RBM47: variants seen among roughly 807,000 people sequenced by gnomAD.
RBM47 encodes RNA binding motif protein 47.
In RBM47, 21 loss-of-function variants were observed where a neutral mutation model predicts 47.1. The ratio of observed to expected loss-of-function variants is 0.45; its 90% confidence interval spans 0.32 to 0.64. The LOEUF is 0.64. Among genes scored for constraint, RBM47 ranks in the 30% least tolerant of loss-of-function variants. The pLI, the probability that RBM47 is intolerant of heterozygous loss-of-function variation, is 0.05. For synonymous variants in RBM47, 375 were observed against 361.7 expected, an observed-to-expected ratio of 1.04 and a Z score of -0.42; for missense variants, 708 against 870.9, an observed-to-expected ratio of 0.81 and a Z score of 2.35.
At chr4:40,525,014 T>G (rs1726556605) in intron 2 of RBM47, among the ~76,000 whole-genome samples, 1 of 152,160 alleles carries the variant, frequency 6.6e-6, no homozygotes, top group South Asian at 2.1e-4. Flanking sequence ...TAAAATATTT[T>G]TATGATCCAG....
chr4:40,561,227 C>CTTTTTTTTT (rs1176318537), intron 1 of RBM47, among the ~76,000 whole-genome samples: 1 of 113,646 alleles, frequency 8.8e-6, no homozygotes, highest in African/African-American at 3.4e-5. Flanking sequence ...TTTCCATTGT[C>CTTTTTTTTT]TTTTTTTTTT....
chr4:40,426,400 G>A (rs1479109735), intron 6 of RBM47, among the ~76,000 whole-genome samples: 1 of 152,200 alleles, frequency 6.6e-6, no homozygotes, highest in Non-Finnish European at 1.5e-5. Context: ...AGGGAAAGGT[G>A]AAATACAGTT....
chr4:40,447,893 C>T (rs1205994620), intron 3 of RBM47, among the ~76,000 whole-genome samples: 2 of 152,208 alleles, frequency 1.3e-5, no homozygotes, highest in African/African-American at 4.8e-5. Flanking sequence ...CGCCTGTAGT[C>T]CCAGTTACTC....
intron 2 of RBM47, among the ~76,000 whole-genome samples, chr4:40,482,191 A>G (rs1720526679): frequency 6.6e-6 from 1 of 152,208 alleles, no homozygotes; most frequent in African/African-American, 2.4e-5. Flanking sequence ...GCTAAGACAG[A>G]TCAGAGTCCA....
intron 6 of RBM47, chr4:40,427,320 T>A (rs1238292887): frequency 2.6e-5 from 4 of 152,194 alleles, no homozygotes; most frequent in Non-Finnish European, 5.9e-5. Flanking sequence ...TAAAGAGCAG[T>A]TTCCAAATGA....
intron 3 of RBM47, among the ~76,000 whole-genome samples, chr4:40,465,522 C>G (rs764081945): frequency 6.6e-6 from 1 of 152,044 alleles, no homozygotes; most frequent in Non-Finnish European, 1.5e-5. Context: ...ATTAGCTGGG[C>G]ATGAAAATTA....
At chr4:40,497,544 A>G (rs760524655) in intron 2 of RBM47, among the ~76,000 whole-genome samples, 1 of 152,106 alleles carries the variant, frequency 6.6e-6, no homozygotes, top group Non-Finnish European at 1.5e-5. Context: ...GCTTGAGTCC[A>G]GGAAGTCAAG....
At chr4:40,489,838 A>T (rs1375289310) in intron 2 of RBM47, among the ~76,000 whole-genome samples, 2 of 152,208 alleles carry the variant, frequency 1.3e-5, no homozygotes, top group Non-Finnish European at 2.9e-5. Context: ...TGCATAGAAA[A>T]TACAGACAAA....
chr4:40,514,852 GA>G (rs1357132764), intron 2 of RBM47: 1 of 152,200 alleles, frequency 6.6e-6, no homozygotes, highest in Non-Finnish European at 1.5e-5. Context: ...GCGTTAGAGC[GA>G]TTTTTTTAAA....
rs117234878 is a variant in RBM47 at position 40,512,821 on chromosome 4, T to C, written c.-155+31601A>G. On this transcript the variant is annotated intron_variant, in intron 2 of 6. Coordinates refer to ENST00000295971, the MANE Select transcript of RBM47 (RefSeq NM_001098634.2). ...ATTTCACTGGTCAGGGTTTCTATTT[T>C]GGATTCACATGGTATGGCTCTCTTT... Among the ~76,000 whole-genome samples, 1,133 of 152,116 alleles carry C rather than the reference T, an allele frequency of 7.4e-3. 42 individuals carry two copies. Among genetic ancestry groups the C allele is most frequent in the Admixed American group, 0.06 (915 of 15,270 alleles).
chr4:40,426,654 A>G (rs754781647), intron 6 of RBM47: 54 of 154,058 alleles, frequency 3.5e-4, no homozygotes, highest in Non-Finnish European at 4.8e-4. Context: ...GGACCCATAC[A>G]CTTTAAAAAT....
At chr4:40,450,731 A>T (rs1715289061) in intron 3 of RBM47, among the ~76,000 whole-genome samples, 1 of 152,120 alleles carries the variant, frequency 6.6e-6, no homozygotes, top group South Asian at 2.1e-4. Flanking sequence ...GATATTTGTG[A>T]TAATTCTATG....
chr4:40,535,929 G>C (rs1727934408), intron 2 of RBM47, among the ~76,000 whole-genome samples: 1 of 152,094 alleles, frequency 6.6e-6, no homozygotes, highest in Non-Finnish European at 1.5e-5. Flanking sequence ...TCAAACTCCT[G>C]ACCTCAGGTG....
chr4:40,624,411 C>T (rs1737542263), intron 1 of RBM47, among the ~76,000 whole-genome samples: 1 of 152,108 alleles, frequency 6.6e-6, no homozygotes, highest in African/African-American at 2.4e-5. Context: ...CATGACCAAA[C>T]GTTGCTGATT....
chr4:40,494,202 C>A (rs561969059), intron 2 of RBM47, among the ~76,000 whole-genome samples: 3 of 152,074 alleles, frequency 2.0e-5, no homozygotes, highest in African/African-American at 7.2e-5. Flanking sequence ...TTATAATACA[C>A]GGCAGAATGG....
chr4:40,529,423 G>A (rs1392874697), intron 2 of RBM47, among the ~76,000 whole-genome samples: 1 of 146,596 alleles, frequency 6.8e-6, no homozygotes, highest in African/African-American at 2.6e-5. Flanking sequence ...GGCTGAGGCA[G>A]GAGAATTACT....
intron 1 of RBM47, among the ~76,000 whole-genome samples, chr4:40,563,433 T>TA (rs11369884): frequency 0.5 from 75,956 of 152,106 alleles, 22,796 homozygotes; most frequent in African/African-American, 0.85. Flanking sequence ...TCTGTGCTTG[T>TA]ATTATACTGC....
intron 1 of RBM47, among the ~76,000 whole-genome samples, chr4:40,565,925 C>A (rs1160298605): frequency 6.6e-6 from 1 of 151,706 alleles, no homozygotes; most frequent in Non-Finnish European, 1.5e-5. Flanking sequence ...AAAACTAGCC[C>A]GGCGCGGTGG....
At chr4:40,510,260 G>C (rs1467468944) in intron 2 of RBM47, among the ~76,000 whole-genome samples, 2 of 151,812 alleles carry the variant, frequency 1.3e-5, no homozygotes, top group African/African-American at 4.8e-5. Context: ...TAGCTTCGGG[G>C]ACCATTGCTT....
Sources: allele counts gnomAD v4.1 joint callset (sites outside exome capture counted in the v4.1 genomes callset), GRCh38; gene constraint gnomAD v4.1.1; transcripts MANE v1.5; gene names NCBI Gene and HGNC (gene_info 2026-07-23, HGNC 2026-07-21).